The following CDK14 variants were observed in gnomAD, a reference collection of about 807,000 sequenced individuals.
CDK14 encodes the protein cyclin dependent kinase 14, also known as cyclin-dependent kinase 14.
CDK14 carries 34 observed loss-of-function variants against 60.7 expected under a neutral mutation model. The observed-to-expected ratio is 0.56, with a 90% CI of 0.43 to 0.75. CDK14 has a LOEUF of 0.75. Ranked by LOEUF, CDK14 falls within the 30% of genes least tolerant of loss-of-function variation. CDK14 has a pLI of 0.00. For missense variants in CDK14, 482 were observed against 564.1 expected, an observed-to-expected ratio of 0.85 and a Z score of 1.47; for synonymous variants, 197 against 203.7, an observed-to-expected ratio of 0.97 and a Z score of 0.28.
At chr7:90,826,523 G>T (rs1347138165) in intron 5 of CDK14, among the ~76,000 whole-genome samples, 1 of 152,110 alleles carries the variant, frequency 6.6e-6, no homozygotes, top group Non-Finnish European at 1.5e-5. Flanking sequence ...AGCCTCTTCA[G>T]TTTATTTTTA....
intron 1 of CDK14, among the ~76,000 whole-genome samples, chr7:90,602,001 T>C (rs1451740440): frequency 6.6e-6 from 1 of 152,004 alleles, no homozygotes; most frequent in East Asian, 1.9e-4. Context: ...GAGACAGGGA[T>C]TCCCCCTGTT....
At chr7:90,751,212 A>G (rs979440060) in intron 4 of CDK14, among the ~76,000 whole-genome samples, 1 of 152,148 alleles carries the variant, frequency 6.6e-6, no homozygotes, top group South Asian at 2.1e-4. Context: ...TAAAATGAAC[A>G]CCACCAAGAC....
chr7:90,752,866 C>T (rs779196997), intron 4 of CDK14, among the ~76,000 whole-genome samples: 6 of 152,110 alleles, frequency 3.9e-5, no homozygotes, highest in Non-Finnish European at 8.8e-5. Flanking sequence ...TTAGGAACAA[C>T]TCTATGTATA....
At chr7:90,764,079 G>C (rs1421350146) in intron 4 of CDK14, among the ~76,000 whole-genome samples, 2 of 152,158 alleles carry the variant, frequency 1.3e-5, no homozygotes, top group Non-Finnish European at 2.9e-5. Context: ...TGAGTATTTA[G>C]AGCCATTAAT....
At chr7:90,734,757 C>T (rs191219398) in intron 3 of CDK14, among the ~76,000 whole-genome samples, 8 of 152,206 alleles carry the variant, frequency 5.3e-5, no homozygotes, top group East Asian at 1.9e-4. Flanking sequence ...GGTTAAAACA[C>T]GCTCCTTTAG....
At chr7:91,156,574 C>T (rs1175342389) in intron 14 of CDK14, among the ~76,000 whole-genome samples, 3 of 152,114 alleles carry the variant, frequency 2.0e-5, no homozygotes, top group African/African-American at 7.2e-5. Flanking sequence ...AGCCGCAGAG[C>T]AGAAGCAATT....
intron 2 of CDK14, among the ~76,000 whole-genome samples, chr7:90,649,244 C>CAG (rs1800536507): frequency 1.5e-4 from 4 of 26,652 alleles, no homozygotes; most frequent in Admixed American, 3.2e-4. Context: ...TAGTTTCTTT[C>CAG]TTTCTTTCTT....
chr7:90,877,374 C>T (rs1268385562), intron 6 of CDK14, among the ~76,000 whole-genome samples: 2 of 151,688 alleles, frequency 1.3e-5, no homozygotes, highest in Non-Finnish European at 2.9e-5. Context: ...GGCTATAAAT[C>T]CCCAACAGAT....
At position 90,794,032 on chromosome 7, in the gene CDK14, A is replaced by G. The variant is rs1407521124; in HGVS notation, c.544+3380A>G. ...GTCGGATGGTCTGAGAAATAAAGGG[A>G]AAGAGTACAAAAGAGAGAAATTTTA... On this transcript the variant is annotated intron_variant, in intron 5 of 14. Coordinates refer to ENST00000380050, the MANE Select transcript of CDK14 (RefSeq NM_001287135.2). Among the ~76,000 whole-genome samples the G allele has an allele frequency of 2.0e-5, 3 of 152,076 alleles. No individual in the cohort carries two copies. In the East Asian group the frequency reaches 5.8e-4, roughly 29 times the overall value.
At chr7:91,074,574 A>T (rs1798241293) in intron 11 of CDK14, among the ~76,000 whole-genome samples, 1 of 152,352 alleles carries the variant, frequency 6.6e-6, no homozygotes, top group South Asian at 2.1e-4. Context: ...ACACCCAAGT[A>T]TCACAATTAA....
intron 10 of CDK14, among the ~76,000 whole-genome samples, chr7:91,017,294 G>A (rs372945190): frequency 1.2e-4 from 18 of 152,166 alleles, no homozygotes; most frequent in African/African-American, 4.3e-4. Flanking sequence ...AGAGAAAGTG[G>A]CTAAACAGAT....
intron 2 of CDK14, among the ~76,000 whole-genome samples, chr7:90,652,997 G>A (rs1800676373): frequency 6.6e-6 from 1 of 152,084 alleles, no homozygotes; most frequent in African/African-American, 2.4e-5. Flanking sequence ...TGTACCCTGG[G>A]TTGGCTGACC....
intron 14 of CDK14, among the ~76,000 whole-genome samples, chr7:91,188,459 A>G (rs1459781739): frequency 6.6e-6 from 1 of 152,188 alleles, no homozygotes; most frequent in Non-Finnish European, 1.5e-5. Flanking sequence ...CCAGAGTTGG[A>G]CTGAGTTGTC....
At chr7:90,637,385 G>C (rs1192599577) in intron 2 of CDK14, among the ~76,000 whole-genome samples, 1 of 152,126 alleles carries the variant, frequency 6.6e-6, no homozygotes, top group East Asian at 1.9e-4. Flanking sequence ...CCTTCATTTC[G>C]TTATGTACCC....
At chr7:91,121,759 T>G (rs1242862975) in intron 14 of CDK14, among the ~76,000 whole-genome samples, 1 of 152,212 alleles carries the variant, frequency 6.6e-6, no homozygotes, top group Non-Finnish European at 1.5e-5. Context: ...TTAGTAAAGA[T>G]TTCATAGATT....
At chr7:90,799,540 A>G (rs1477859324) in intron 5 of CDK14, among the ~76,000 whole-genome samples, 3 of 151,980 alleles carry the variant, frequency 2.0e-5, no homozygotes, top group Non-Finnish European at 4.4e-5. Flanking sequence ...ATACAAAAAA[A>G]TTAACCAGGT....
intron 10 of CDK14, among the ~76,000 whole-genome samples, chr7:91,037,537 A>G (rs900297303): frequency 2.6e-5 from 4 of 152,216 alleles, no homozygotes; most frequent in African/African-American, 9.6e-5. Context: ...GTTTAACAAC[A>G]TCTGAGCCAC....
At chr7:90,676,526 C>A (rs879721645) in intron 2 of CDK14, among the ~76,000 whole-genome samples, 94 of 65,022 alleles carry the variant, frequency 1.4e-3, no homozygotes, top group Non-Finnish European at 2.1e-3. Flanking sequence ...TTAGATGTTT[C>A]ATTTTTTTTT....
At chr7:91,019,881 G>T (rs1796392310) in intron 10 of CDK14, among the ~76,000 whole-genome samples, 1 of 152,132 alleles carries the variant, frequency 6.6e-6, no homozygotes, top group Non-Finnish European at 1.5e-5. Context: ...CCTATTCCAT[G>T]ACCATGCTGC....
Sources: gnomAD v4.1 joint callset for allele counts (sites outside exome capture counted in the v4.1 genomes callset) on GRCh38, gnomAD v4.1.1 for gene constraint, MANE v1.5 for transcripts, NCBI Gene and HGNC (gene_info 2026-07-23, HGNC 2026-07-21) for gene names.